The following RGPD3 variants were observed in gnomAD, a reference collection of about 807,000 sequenced individuals.
RGPD3 encodes ranBP2-like and GRIP domain-containing protein 3.
In RGPD3, 62 loss-of-function variants were observed where a neutral mutation model predicts 154.5. That is an observed-to-expected ratio of 0.40 (90% confidence interval 0.33 to 0.50). The LOEUF (loss-of-function observed/expected upper bound fraction) is 0.50. RGPD3 is among the 20% of genes least tolerant of loss of function. The pLI is 0.59. For missense variants in RGPD3, 919 were observed against 1,716.8 expected (o/e 0.54, Z 8.21); for synonymous variants, 308 against 607.0 (o/e 0.51, Z 7.24).
chr2:106,460,300 A>T (rs1269319478), intron 1 of RGPD3, among the ~76,000 whole-genome samples: 1 of 151,160 alleles, frequency 6.6e-6, no homozygotes, highest in Non-Finnish European at 1.5e-5. Context: ...TGGGGAGGAA[A>T]GGTATTCCAG....
chr2:106,422,364 TTTTTTTG>T (rs1157213578), intron 20 of RGPD3, among the ~76,000 whole-genome samples: 134 of 138,630 alleles, frequency 9.7e-4, no homozygotes, highest in African/African-American at 2.9e-3. Context: ...ATATCATGTT[TTTTTTTG>T]TTTTTTGTTT....
At chr2:106,448,115 T>G (rs921053534) in intron 6 of RGPD3, among the ~76,000 whole-genome samples, 30 of 149,960 alleles carry the variant, frequency 2.0e-4, no homozygotes, top group African/African-American at 7.1e-4. Flanking sequence ...TGTCTTTTTT[T>G]TTTTTTTTTT....
chr2:106,449,805 C>T (rs1320808069), intron 6 of RGPD3, among the ~76,000 whole-genome samples: 2 of 151,514 alleles, frequency 1.3e-5, no homozygotes, highest in Non-Finnish European at 2.9e-5. Context: ...ATCACAAGGT[C>T]AGGATATCAA....
intron 1 of RGPD3, among the ~76,000 whole-genome samples, chr2:106,466,037 G>A (rs1678567456): frequency 6.6e-6 from 1 of 151,890 alleles, no homozygotes; most frequent in Admixed American, 6.6e-5. Flanking sequence ...TAAATGTCCA[G>A]GAGATGGGAA....
chr2:106,463,332 C>T (rs1321898146), intron 1 of RGPD3, among the ~76,000 whole-genome samples: 17 of 152,240 alleles, frequency 1.1e-4, no homozygotes, highest in African/African-American at 1.7e-4. Flanking sequence ...AAAAATTAGC[C>T]GGGCATGGTG....
intron 9 of RGPD3, among the ~76,000 whole-genome samples, chr2:106,437,609 G>C (rs1573272528): frequency 6.6e-6 from 1 of 152,230 alleles, no homozygotes; most frequent in East Asian, 1.9e-4. Context: ...AAGACTTAAA[G>C]ATGTTCATGT....
At chr2:106,422,012 G>T (rs1407486250) in intron 20 of RGPD3, among the ~76,000 whole-genome samples, 1 of 151,758 alleles carries the variant, frequency 6.6e-6, no homozygotes, top group Non-Finnish European at 1.5e-5. Context: ...TTAATACTTT[G>T]CTAAGGGCTA....
intron 21 of RGPD3, among the ~76,000 whole-genome samples, chr2:106,413,934 A>G (rs1209716301): frequency 2.0e-5 from 3 of 152,176 alleles, no homozygotes; most frequent in African/African-American, 7.2e-5. Flanking sequence ...ATAGAAACTA[A>G]GCCAGTATGG....
At chr2:106,468,774 C>G (rs1678732190), upstream of RGPD3, among the ~76,000 whole-genome samples, 1 of 117,828 alleles carries the variant, frequency 8.5e-6, no homozygotes, top group African/African-American at 3.2e-5. Context: ...CCACTGTACT[C>G]TAGCCTGGAT....
intron 1 of RGPD3, among the ~76,000 whole-genome samples, chr2:106,463,560 G>A (rs1678469622): frequency 6.6e-6 from 1 of 151,842 alleles, no homozygotes; most frequent in Non-Finnish European, 1.5e-5. Flanking sequence ...GAAAGTAAAT[G>A]AAGATGACAT....
intron 22 of RGPD3, among the ~76,000 whole-genome samples, chr2:106,406,871 T>C (rs1025162178): frequency 3.9e-5 from 6 of 152,206 alleles, no homozygotes; most frequent in Non-Finnish European, 8.8e-5. Context: ...AACTTTTACA[T>C]GGGGAAATTT....
rs761245243 is a variant in RGPD3, at chr2:106,424,125, T to G, written c.3842A>C (p.Asn1281Thr). 3 of 1,590,838 alleles carry G rather than the reference T, an allele frequency of 1.9e-6. No homozygotes were observed. The highest frequency in any genetic ancestry group is 2.6e-6 in the Non-Finnish European group (3 of 1,165,084). ...TGTTGACTCATCAAAGTGGAAAAGA[T>G]TTTTTCTCACAGGGCTACTTGCCAA... Reference protein sequence around the residue: ...SPLASSPVRKNLFHFDESTTG... With the variant: ...SPLASSPVRKTLFHFDESTTG... Residue 1281 changes from asparagine (N) to threonine (T), a missense_variant, in exon 20 of 23, where the codon AAT (asparagine) becomes ACT (threonine). Physicochemically the swap from Asn to Thr is moderately conservative, Grantham distance 65 (BLOSUM62 0). Coordinates refer to ENST00000409886, the MANE Select transcript of RGPD3 (RefSeq NM_001144013.2).
chr2:106,415,976 C>T lies in RGPD3; in HGVS notation c.4938G>A (p.Trp1646Ter). The T allele has an allele frequency of 6.2e-7, 1 of 1,611,642 alleles. No individual in the cohort carries two copies. The highest frequency in any genetic ancestry group is 8.5e-7 in the Non-Finnish European group (1 of 1,179,772). The stretch of plus-strand genomic sequence containing the variant: ...ATTCTTCTTTAGTAAATTCAGCATA[C>T]CATAATGGAGGCTCTGCAACATGTT... ...FKTPEKEPPLWYAEFTKEELV... is the reference protein window; with the variant it reads ...FKTPEKEPPL Residue 1646 changes from tryptophan to a stop codon, truncating the protein, a stop_gained, in exon 21 of 23, where the codon TGG becomes TGA. Transcript: ENST00000409886. LOFTEE classifies it high-confidence loss of function.
At chr2:106,448,144 A>G (rs1190206190) in intron 6 of RGPD3, among the ~76,000 whole-genome samples, 2 of 146,684 alleles carry the variant, frequency 1.4e-5, no homozygotes, top group Non-Finnish European at 3.0e-5. Flanking sequence ...GTCTCTCACT[A>G]TCGCCTGGGC....
At chr2:106,466,457 G>C (rs28434096) in intron 1 of RGPD3, among the ~76,000 whole-genome samples, 2,402 of 105,810 alleles carry the variant, frequency 0.023, 95 homozygotes, top group Non-Finnish European at 0.035. Context: ...GGCCGCCGCT[G>C]GGCCGGGTCG....
chr2:106,408,455 T>C (rs1198820573), intron 22 of RGPD3, among the ~76,000 whole-genome samples: 2 of 140,398 alleles, frequency 1.4e-5, no homozygotes, highest in African/African-American at 5.2e-5. Context: ...AGCTAATGTT[T>C]CCCAAATACA....
Position 106,423,800 on chromosome 2 carries a change from A to G in RGPD3, c.4167T>C (p.Asp1389=), listed in dbSNP as rs555637629. The G allele has an allele frequency of 1.7e-5, 28 of 1,612,000 alleles. No individual in the cohort carries two copies. The African/African-American group carries it at 2.9e-4, about 17-fold the overall frequency. ...TCATCAGTATACGAACGTGCTTATT[A>G]TCATAATTCTGTAAAATCTTTATAT... ...IGDIKILQNY[D]NKHVRILMRR... The change falls in exon 20 of 23, where the codon GAT becomes GAC. Residue 1389 remains aspartate, a synonymous_variant. Transcript: ENST00000409886.
In RGPD3 at chr2:106,468,309, C is replaced by T. The variant is rs764026901; in HGVS notation, c.-21G>A. 16 of 1,597,212 alleles carry T rather than the reference C, an allele frequency of 1.0e-5. No homozygotes were observed. Among genetic ancestry groups the T allele is most frequent in the African/African-American group, 8.0e-5 (6 of 74,598 alleles). On this transcript the variant is annotated 5_prime_UTR_variant, in exon 1 of 23. Coordinates refer to ENST00000409886, the MANE Select transcript of RGPD3 (RefSeq NM_001144013.2). ...CTCATCGCGCCACCAACCTGGCTCCCGAGATGCGTGAGACCAGCGCTCAGC... is the reference window on the plus strand; with the variant it reads ...CTCATCGCGCCACCAACCTGGCTCCTGAGATGCGTGAGACCAGCGCTCAGC...
rs11885810 is a variant in RGPD3 at position 106,424,529 on chromosome 2, T to C, written c.3438A>G (p.Arg1146=). 194,690 of 1,350,110 alleles carry C rather than the reference T, an allele frequency of 0.14. 44,848 individuals are homozygous for C. The highest frequency in any genetic ancestry group is 0.59 in the East Asian group (23,732 of 40,380). 83.6% of individuals were successfully genotyped at this position (1,350,110 alleles called of 1,614,324 possible). The change falls in exon 20 of 23, where the codon CGA becomes CGG. Residue 1146 remains arginine (R), a synonymous_variant. Coordinates refer to ENST00000409886, the MANE Select transcript of RGPD3 (RefSeq NM_001144013.2). ...CTGGTGTTTTAAATTTTGCTGCCAATCGCTCTAGTTTGGCATCACCATCAG... is the reference window on the plus strand; with the variant it reads ...CTGGTGTTTTAAATTTTGCTGCCAACCGCTCTAGTTTGGCATCACCATCAG... ...DFSDGDAKLE[R]LAAKFKTPEL... is the part of the protein sequence containing the mutation.
Sources: allele counts gnomAD v4.1 joint callset (sites outside exome capture counted in the v4.1 genomes callset), GRCh38; gene constraint gnomAD v4.1.1; transcripts MANE v1.5; gene names NCBI Gene and HGNC (gene_info 2026-07-23, HGNC 2026-07-21).